Variants in IQCB1 observed in about 807,000 individuals in gnomAD.
IQCB1 encodes the protein IQ motif containing B1, also known as IQ calmodulin-binding motif-containing protein 1.
In IQCB1, 56 loss-of-function variants were observed where a neutral mutation model predicts 84.4. That is an observed-to-expected ratio of 0.66 (90% CI 0.54 to 0.83). IQCB1 has a LOEUF of 0.83. IQCB1 is among the 40% of genes least tolerant of loss of function. IQCB1 has a pLI of 0.00. For synonymous variants in IQCB1, 210 were observed against 234.8 expected, an observed-to-expected ratio of 0.89 and a Z score of 0.96; for missense variants, 629 against 682.1, an observed-to-expected ratio of 0.92 and a Z score of 0.87.
chr3:121,790,154 A>G lies in IQCB1; in HGVS notation c.1048T>C (p.Leu350=). The change falls in exon 11 of 15, where the codon TTA becomes CTA. Residue 350 remains leucine (L), a synonymous_variant. Coordinates refer to ENST00000310864, the MANE Select transcript of IQCB1 (RefSeq NM_001023570.4). ...NRQKEEEDLK[L]QLQLQRQRAM... Reference sequence around the variant, plus strand: ...CTCTGTCTTTGAAGTTGCAATTGTAATTTGAGGTCCTCTTCTTCCTTCTGC... The same window carrying G: ...CTCTGTCTTTGAAGTTGCAATTGTAGTTTGAGGTCCTCTTCTTCCTTCTGC... 1 of 1,613,592 alleles carries G rather than the reference A, an allele frequency of 6.2e-7. No homozygotes were observed. Among genetic ancestry groups the G allele is most frequent in the Non-Finnish European group, 8.5e-7 (1 of 1,179,532 alleles).
intron 13 of IQCB1, among the ~76,000 whole-genome samples, chr3:121,778,533 CTTT>C (rs34279594): frequency 6.7e-6 from 1 of 148,676 alleles, no homozygotes; most frequent in African/African-American, 2.5e-5. Flanking sequence ...CTGAAAAAGT[CTTT>C]TTTTTTTTAA....
At position 121,814,146 on chromosome 3, in the gene IQCB1, C is replaced by T. The variant is rs1465314254; in HGVS notation, c.394-5137G>A. On this transcript the variant is annotated intron_variant, in intron 5 of 14. Coordinates refer to ENST00000310864, the MANE Select transcript of IQCB1 (RefSeq NM_001023570.4). ...TCAAAACCACACAATTACATGGAAA[C>T]GGCACAAGCTGCTCCTGAATGAGTA... Among the ~76,000 whole-genome samples, 9 of 152,112 alleles carry T rather than the reference C, an allele frequency of 5.9e-5. No individual in the cohort carries two copies. The South Asian group carries it at 8.3e-4, about 14-fold the overall frequency.
intron 7 of IQCB1, among the ~76,000 whole-genome samples, chr3:121,801,774 A>C (rs1266421553): frequency 6.9e-6 from 1 of 145,380 alleles, no homozygotes; most frequent in Non-Finnish European, 1.5e-5. Flanking sequence ...CTGCTTTCTG[A>C]GAAAGTTCCC....
Position 121,770,270 on chromosome 3 carries a change from C to A in IQCB1, c.*75G>T. 1 of 997,670 alleles carries A rather than the reference C, an allele frequency of 1.0e-6. No homozygotes were observed. Among genetic ancestry groups the A allele is most frequent in the Non-Finnish European group, 1.6e-6 (1 of 635,692 alleles). The allele number at this position is 997,670 out of a possible 1,614,324, so 61.8% of individuals were successfully genotyped here. On this transcript the variant is annotated 3_prime_UTR_variant, in exon 15 of 15. Transcript: ENST00000310864. ...AATAATAAGTTAGGATGGCCCTAGT[C>A]TACCAGCATGCCAGAGGCAGAACCA...
chr3:121,773,886 AAAC>A (rs1193687724), intron 13 of IQCB1, among the ~76,000 whole-genome samples: 3 of 152,104 alleles, frequency 2.0e-5, no homozygotes, highest in Admixed American at 6.5e-5. Context: ...AGGAAAAAAA[AAAC>A]AACAACAAAA....
At chr3:121,783,034 CTG>C (rs1948568957) in intron 12 of IQCB1, among the ~76,000 whole-genome samples, 1 of 152,152 alleles carries the variant, frequency 6.6e-6, no homozygotes, top group African/African-American at 2.4e-5. Flanking sequence ...TGTGCTATAA[CTG>C]AATACATGTG....
chr3:121,790,019 G>A, intron 11 of IQCB1, 54 bp downstream of exon 11: 2 of 1,525,572 alleles, frequency 1.3e-6, no homozygotes, highest in Non-Finnish European at 1.8e-6. Context: ...AAGTTGGTTT[G>A]TTAAAAGATA....
chr3:121,779,744 G>T (rs1948393476), intron 13 of IQCB1, among the ~76,000 whole-genome samples: 1 of 152,068 alleles, frequency 6.6e-6, no homozygotes, highest in Admixed American at 6.6e-5. Context: ...AAAATTTTGA[G>T]TCTTTTTTTG....
At chr3:121,776,554 T>C (rs1183449174) in intron 13 of IQCB1, among the ~76,000 whole-genome samples, 1 of 152,200 alleles carries the variant, frequency 6.6e-6, no homozygotes, top group Non-Finnish European at 1.5e-5. Flanking sequence ...TTACTGTCGG[T>C]TATTTTTTGA....
At chr3:121,810,250 G>GT (rs1333345800) in intron 5 of IQCB1, among the ~76,000 whole-genome samples, 2 of 152,138 alleles carry the variant, frequency 1.3e-5, no homozygotes, top group South Asian at 2.1e-4. Context: ...GTCAGAACGT[G>GT]TATGTCCCAC....
chr3:121,782,843 C>G (rs1948561565), intron 12 of IQCB1, among the ~76,000 whole-genome samples: 1 of 152,156 alleles, frequency 6.6e-6, no homozygotes, highest in Non-Finnish European at 1.5e-5. Flanking sequence ...CCACGCCCAG[C>G]TAATTTTTGT....
intron 11 of IQCB1, 119 bp downstream of exon 11, chr3:121,789,954 A>C: frequency 1.2e-6 from 1 of 844,866 alleles, no homozygotes; most frequent in Non-Finnish European, 2.0e-6. Flanking sequence ...TATCTGAAAA[A>C]CAGAGAAAAA....
rs1315845103 is a variant in IQCB1 at position 121,799,363 on chromosome 3, A to G, written c.599T>C (p.Leu200Pro). 2.5e-6 allele frequency: 4 copies of G among 1,580,024 alleles called. No homozygotes were observed. The East Asian group carries it at 9.0e-5, about 35-fold the overall frequency. The change falls in exon 8 of 15, where the codon CTC becomes CCC. Residue 200 changes from leucine (L) to proline (P), a missense_variant. By Grantham distance (98) the Leu-to-Pro change is moderately conservative. Transcript: ENST00000310864. ...ATACAGGGCTTTTCTTCCTATTCTG[A>G]GTAAATCACCACTAATAGAACAAAA... ...NILQINSGDL[L>P]RIGRKALYSI...
chr3:121,816,710 G>A (rs1247742254), intron 5 of IQCB1, among the ~76,000 whole-genome samples: 1 of 152,172 alleles, frequency 6.6e-6, no homozygotes, highest in East Asian at 1.9e-4. Context: ...AAACCACAAT[G>A]AGATACCCTC....
intron 2 of IQCB1, among the ~76,000 whole-genome samples, chr3:121,830,205 A>AAAC (rs1553723318): frequency 6.7e-6 from 1 of 148,514 alleles, no homozygotes; most frequent in Non-Finnish European, 1.5e-5. Context: ...CTCTGTCTCA[A>AAAC]AATAATAATA....
At chr3:121,819,256 AATC>A (rs1242331059) in intron 5 of IQCB1, among the ~76,000 whole-genome samples, 1 of 152,164 alleles carries the variant, frequency 6.6e-6, no homozygotes, top group African/African-American at 2.4e-5. Flanking sequence ...GACAGTGACA[AATC>A]ATCAGGCATT....
chr3:121,772,471 T>A, intron 14 of IQCB1, 86 bp downstream of exon 14: 1 of 1,350,416 alleles, frequency 7.4e-7, no homozygotes, highest in Non-Finnish European at 1.1e-6. Context: ...AGATGCTTAG[T>A]AATGGTTTCC....
Position 121,770,231 on chromosome 3 carries a change from G to A in IQCB1, c.*114C>T. 1 of 716,460 alleles carries A rather than the reference G, an allele frequency of 1.4e-6. No homozygotes were observed. Among genetic ancestry groups the A allele is most frequent in the South Asian group, 1.6e-5 (1 of 63,704 alleles). 44.4% of individuals were successfully genotyped at this position (716,460 alleles called of 1,614,324 possible). ...TGCTTACTGCAGGTCTTGTCTGGAG[G>A]AGAACCTCTGGAAAATAATAAGTTA... On this transcript the variant is annotated 3_prime_UTR_variant, in exon 15 of 15. Transcript: ENST00000310864.
chr3:121,789,462 T>C (rs2108546261), intron 11 of IQCB1, among the ~76,000 whole-genome samples: 1 of 152,242 alleles, frequency 6.6e-6, no homozygotes, highest in African/African-American at 2.4e-5. Flanking sequence ...GCTGCAGTTA[T>C]GGATGGATAC....
Sources: gnomAD v4.1 joint callset for allele counts (sites outside exome capture counted in the v4.1 genomes callset) on GRCh38, gnomAD v4.1.1 for gene constraint, MANE v1.5 for transcripts, NCBI Gene and HGNC (gene_info 2026-07-23, HGNC 2026-07-21) for gene names.